The following NUFIP1 variants were observed in gnomAD, a reference collection of about 807,000 sequenced individuals.
NUFIP1 encodes the protein FMR1-interacting protein NUFIP1.
A neutral mutation model predicts 56.2 loss-of-function variants in NUFIP1; 38 were observed. The observed-to-expected ratio is 0.68, with a 90% CI of 0.52 to 0.89. The LOEUF (loss-of-function observed/expected upper bound fraction) is 0.89. NUFIP1 is among the 40% of genes least tolerant of loss of function. NUFIP1 has a pLI of 0.00. For missense variants in NUFIP1, 567 were observed against 605.8 expected (o/e 0.94, Z 0.67); for synonymous variants, 215 against 212.4 (o/e 1.01, Z -0.10).
intron 6 of NUFIP1, among the ~76,000 whole-genome samples, chr13:44,959,850 CTG>C (rs1871362908): frequency 1.3e-5 from 2 of 151,996 alleles, no homozygotes; most frequent in Non-Finnish European, 2.9e-5. Flanking sequence ...TGAAATTGGG[CTG>C]TGTCGTATTA....
At chr13:44,970,604 A>T (rs1429750928) in intron 5 of NUFIP1, among the ~76,000 whole-genome samples, 2 of 152,222 alleles carry the variant, frequency 1.3e-5, no homozygotes, top group Non-Finnish European at 2.9e-5. Context: ...TTAGGAGTTC[A>T]AGTAATATTT....
At chr13:44,988,896 T>G in intron 1 of NUFIP1, 129 bp downstream of exon 1, 19 of 890,802 alleles carry the variant, frequency 2.1e-5, no homozygotes, top group Non-Finnish European at 3.0e-5. Context: ...CACTTTGCTT[T>G]GAGATGCTAA....
intron 8 of NUFIP1, among the ~76,000 whole-genome samples, chr13:44,945,852 G>C (rs1386237982): frequency 6.6e-6 from 1 of 152,086 alleles, no homozygotes; most frequent in Admixed American, 6.5e-5. Context: ...TTGGGAGACA[G>C]GGTTCAATTG....
intron 7 of NUFIP1, among the ~76,000 whole-genome samples, chr13:44,956,842 G>A (rs1486997134): frequency 3.3e-5 from 5 of 152,212 alleles, no homozygotes; most frequent in Admixed American, 1.3e-4. Context: ...CTAAGGAACT[G>A]TACCAGGTAC....
intron 2 of NUFIP1, among the ~76,000 whole-genome samples, chr13:44,981,589 T>C (rs1593370769): frequency 6.6e-6 from 1 of 151,934 alleles, no homozygotes; most frequent in Non-Finnish European, 1.5e-5. Flanking sequence ...GGTGGGCGGG[T>C]CACTTGAGGT....
chr13:44,953,808 T>C lies in NUFIP1; in HGVS notation c.1022-3970A>G, dbSNP rs375092733. ...ACCACAATTAGAGTGCTAGGTATAC[T>C]TGTTCCTAGGAGTGTCAAAGCTCAC... On this transcript the variant is annotated intron_variant, in intron 7 of 9. Transcript: ENST00000379161. Among the ~76,000 whole-genome samples the C allele has an allele frequency of 3.9e-5, 6 of 152,194 alleles. No individual in the cohort carries two copies. The East Asian group carries it at 1.2e-3, about 29-fold the overall frequency.
chr13:44,955,870 G>A (rs1464659059), intron 7 of NUFIP1, among the ~76,000 whole-genome samples: 4 of 151,738 alleles, frequency 2.6e-5, no homozygotes, highest in Non-Finnish European at 4.4e-5. Flanking sequence ...TTGGCCGGGC[G>A]CGGTGGCTCA....
At chr13:44,948,815 C>T (rs1419241018) in intron 8 of NUFIP1, among the ~76,000 whole-genome samples, 2 of 152,210 alleles carry the variant, frequency 1.3e-5, no homozygotes, top group Non-Finnish European at 2.9e-5. Context: ...CCATCCGTAA[C>T]ATCATCTTTA....
At chr13:44,954,133 T>C (rs1203567845) in intron 7 of NUFIP1, among the ~76,000 whole-genome samples, 3 of 152,136 alleles carry the variant, frequency 2.0e-5, no homozygotes, top group Non-Finnish European at 4.4e-5. Context: ...AAAATAATAC[T>C]CAAGAAACTT....
intron 5 of NUFIP1, among the ~76,000 whole-genome samples, chr13:44,975,850 T>C (rs1421648528): frequency 6.6e-6 from 1 of 152,204 alleles, no homozygotes; most frequent in Non-Finnish European, 1.5e-5. Flanking sequence ...CAGTTCCACA[T>C]TTCCCAGTTT....
chr13:44,959,480 C>T lies in NUFIP1; in HGVS notation c.922G>A (p.Ala308Thr), dbSNP rs369135124. 1 of 1,614,180 alleles carries T rather than the reference C, an allele frequency of 6.2e-7. No homozygotes were observed. Among genetic ancestry groups the T allele is most frequent in the Non-Finnish European group, 8.5e-7 (1 of 1,180,018 alleles). ...AAGTGACTGCCTGATCCAGTGACTG[C>T]TCTCTGTCTAGAATTGTCGTTTTTC... The part of the protein sequence containing the change: ...KWKNDNSRQR[A>T]VTGSGSHLCD... The change falls in exon 7 of 10, where the codon GCA becomes ACA. Residue 308 changes from alanine to threonine, a missense_variant. Coordinates refer to ENST00000379161, the MANE Select transcript of NUFIP1 (RefSeq NM_012345.3).
intron 2 of NUFIP1, 40 bp downstream of exon 2, chr13:44,982,032 A>C: frequency 9.0e-7 from 1 of 1,106,876 alleles, no homozygotes; most frequent in Non-Finnish European, 1.3e-6. Flanking sequence ...ACAGTAACAT[A>C]GGGACCAAGG....
rs1872567062 is a variant in NUFIP1 at position 44,989,288 on chromosome 13, A to AGTGGTG, written c.143_148dup (p.Pro48_Pro49dup). 1.9e-6 allele frequency: 3 copies of AGTGGTG among 1,613,598 alleles called. No individual in the cohort carries two copies. Among genetic ancestry groups the AGTGGTG allele is most frequent in the Non-Finnish European group, 2.5e-6 (3 of 1,179,886 alleles). ...CCCGGCTGCGGGAAGCGAGGACGTA[A>AGTGGTG]GTGGTGGTGGCGGTGGCGGCAGCAT... On this transcript the variant is annotated inframe_insertion, in exon 1 of 10. Transcript: ENST00000379161.
chr13:44,951,204 C>T (rs1350282664), intron 7 of NUFIP1, among the ~76,000 whole-genome samples: 1 of 152,176 alleles, frequency 6.6e-6, no homozygotes, highest in Admixed American at 6.5e-5. Context: ...AAATCCACCA[C>T]AGTGTTAGTA....
At chr13:44,963,755 T>C (rs1048680403) in intron 6 of NUFIP1, among the ~76,000 whole-genome samples, 3 of 152,224 alleles carry the variant, frequency 2.0e-5, no homozygotes, top group African/African-American at 7.2e-5. Context: ...CAGATTTGAT[T>C]TGCTAACATT....
At chr13:44,986,899 G>A (rs969088395) in intron 1 of NUFIP1, among the ~76,000 whole-genome samples, 4 of 152,116 alleles carry the variant, frequency 2.6e-5, no homozygotes, top group African/African-American at 9.7e-5. Flanking sequence ...AGTTGATAAA[G>A]TAGCCTCGAC....
rs532097234 is a variant in NUFIP1, at chr13:44,941,225, G to A, written c.1469C>T (p.Ala490Val). The A allele has an allele frequency of 2.3e-5, 37 of 1,591,228 alleles. No individual in the cohort carries two copies. Among genetic ancestry groups the A allele is most frequent in the Middle Eastern group, 1.9e-4 (1 of 5,334 alleles). ...AGATGCCTATACATCTTTACTTTTC[G>A]CAGAATTAGTATCCAGTCCAAAAAA... ...KDFFGLDTNS[A>V]KSKDV Residue 490 changes from alanine (A) to valine (V), a missense_variant, in exon 10 of 10, where the codon GCG becomes GTG. By Grantham distance (64) the Ala-to-Val change is moderately conservative. Coordinates refer to ENST00000379161, the MANE Select transcript of NUFIP1 (RefSeq NM_012345.3).
Position 44,971,006 on chromosome 13 carries a change from G to T in NUFIP1, c.735-5070C>A, listed in dbSNP as rs374016143. ...TAGGTTTTTAAAAAATTGCTAGTGG[G>T]GATAGTATTTATGCATTTTTGAGAA... On this transcript the variant is annotated intron_variant, in intron 5 of 9. Coordinates refer to ENST00000379161, the MANE Select transcript of NUFIP1 (RefSeq NM_012345.3). 3.3e-5 allele frequency among the ~76,000 whole-genome samples: 5 copies of T among 151,934 alleles called. No homozygotes were observed. In the East Asian group the frequency reaches 7.7e-4, roughly 23 times the overall value.
intron 6 of NUFIP1, among the ~76,000 whole-genome samples, chr13:44,963,969 T>C (rs572440708): frequency 6.6e-6 from 1 of 152,224 alleles, no homozygotes; most frequent in Non-Finnish European, 1.5e-5. Flanking sequence ...CTGACATTAA[T>C]ATTGTTATAC....
Sources: allele counts gnomAD v4.1 joint callset (sites outside exome capture counted in the v4.1 genomes callset), GRCh38; gene constraint gnomAD v4.1.1; transcripts MANE v1.5; gene names NCBI Gene and HGNC (gene_info 2026-07-23, HGNC 2026-07-21).